Variants in DAG1 observed in about 807,000 individuals in gnomAD.
The protein encoded by DAG1 is dystroglycan 1 (dystrophin-associated glycoprotein 1).
DAG1 carries 8 observed loss-of-function variants against 46.1 expected under a neutral mutation model. The observed-to-expected ratio is 0.17, with a 90% CI of 0.10 to 0.31. DAG1 has a LOEUF of 0.31. Ranked by LOEUF, DAG1 falls within the 10% of genes least tolerant of loss-of-function variation. The pLI, the probability that DAG1 is intolerant of heterozygous loss-of-function variation, is 1.00. For missense variants in DAG1, 1,003 were observed against 1,189.9 expected (o/e 0.84, Z 2.31); for synonymous variants, 495 against 481.8 (o/e 1.03, Z -0.36).
chr3:49,519,648 G>C (rs980779518), intron 2 of DAG1, among the ~76,000 whole-genome samples: 4 of 152,138 alleles, frequency 2.6e-5, no homozygotes, highest in Non-Finnish European at 5.9e-5. Flanking sequence ...GTTGGCGATG[G>C]AAGGCATCCT....
intron 2 of DAG1, among the ~76,000 whole-genome samples, chr3:49,515,618 T>C (rs1340741717): frequency 6.6e-6 from 1 of 151,904 alleles, no homozygotes; most frequent in Non-Finnish European, 1.5e-5. Flanking sequence ...ACTCCTAGGC[T>C]CAAGTGATCC....
chr3:49,532,134 G>C lies in DAG1; in HGVS notation c.1623G>C (p.Arg541=). ...AGCTGAAGCTGACCCTGAAACTGCG[G>C]GAGCAGCAGCTGGTGGGCGAGAAGT... ...TDKLKLTLKL[R]EQQLVGEKSW... Residue 541 remains arginine (R), a synonymous_variant, in exon 3 of 3, where the codon CGG becomes CGC. Coordinates refer to ENST00000308775, the MANE Select transcript of DAG1 (RefSeq NM_004393.6). The surrounding 1 kb of genome is among the most constrained non-coding windows in gnomAD (Gnocchi z 5.4). 3.7e-6 allele frequency: 6 copies of C among 1,614,244 alleles called. No homozygotes were observed. Among genetic ancestry groups the C allele is most frequent in the Non-Finnish European group, 5.1e-6 (6 of 1,180,050 alleles).
rs1196984158 is a variant in DAG1, at chr3:49,535,400, TAAC to T, written c.*2206_*2208del. 1.3e-5 allele frequency: 2 copies of T among 152,678 alleles called. No homozygotes were observed. Among genetic ancestry groups the T allele is most frequent in the Non-Finnish European group, 2.9e-5 (2 of 68,062 alleles). The allele number at this position is 152,678 out of a possible 1,614,324, so 9.5% of individuals were successfully genotyped here. On this transcript the variant is annotated 3_prime_UTR_variant, in exon 3 of 3. Transcript: ENST00000308775. ...GGAGGCGATGGGGCAGTGAACAGAA[TAAC>T]AACAGCAACAATGCCTTTGCAGGCA...
chr3:49,491,009 CCT>C (rs1308845457), intron 1 of DAG1, among the ~76,000 whole-genome samples: 1 of 151,570 alleles, frequency 6.6e-6, no homozygotes, highest in African/African-American at 2.4e-5. Context: ...CCACAATCTC[CCT>C]GAGTAGCTGG....
At chr3:49,469,456 G>A (rs2049450602), upstream of DAG1, among the ~76,000 whole-genome samples, 2 of 152,182 alleles carry the variant, frequency 1.3e-5, no homozygotes, top group Admixed American at 1.3e-4. Context: ...AATGTTCCAG[G>A]CAGCAACCCC....
intron 1 of DAG1, among the ~76,000 whole-genome samples, chr3:49,485,637 GTTTTGT>G (rs1441261786): frequency 6.8e-6 from 1 of 146,940 alleles, no homozygotes; most frequent in Non-Finnish European, 1.5e-5. Flanking sequence ...GGTAGATCAG[GTTTTGT>G]TTTTGTTTTC....
chr3:49,515,271 AT>A (rs36072165), intron 2 of DAG1, among the ~76,000 whole-genome samples: 35,557 of 128,980 alleles, frequency 0.28, 4,372 homozygotes, highest in Middle Eastern at 0.37. Flanking sequence ...TCCCGGGCCT[AT>A]TTTTTTTTTT....
At position 49,474,036 on chromosome 3, in the gene DAG1, C is replaced by T. The variant is rs115437298; in HGVS notation, c.-117+3603C>T. Among the ~76,000 whole-genome samples the T allele has an allele frequency of 9.8e-3, 1,489 of 151,996 alleles. 13 individuals are homozygous for T. Among genetic ancestry groups the T allele is most frequent in the Non-Finnish European group, 0.015 (1,002 of 67,988 alleles). Reference sequence around the variant, plus strand: ...CTGAGTAGCTAGGACCACAGGCGCACGCCATCACTCCTGGCTAATATATGT... The same window carrying T: ...CTGAGTAGCTAGGACCACAGGCGCATGCCATCACTCCTGGCTAATATATGT... On this transcript the variant is annotated intron_variant, in intron 1 of 2. Transcript: ENST00000308775.
intron 1 of DAG1, among the ~76,000 whole-genome samples, chr3:49,496,353 C>CTT (rs752449720): frequency 4.3e-4 from 36 of 84,124 alleles, no homozygotes; most frequent in African/African-American, 5.3e-4. Flanking sequence ...AAATTTTTAA[C>CTT]TTTTTTTTTT....
chr3:49,483,573 GA>G (rs1462069506), intron 1 of DAG1, among the ~76,000 whole-genome samples: 2 of 152,210 alleles, frequency 1.3e-5, no homozygotes, highest in African/African-American at 4.8e-5. Flanking sequence ...TTTTATATTG[GA>G]GACCAGTCTG....
At chr3:49,472,610 A>G (rs894437781) in intron 1 of DAG1, among the ~76,000 whole-genome samples, 5 of 152,088 alleles carry the variant, frequency 3.3e-5, no homozygotes, top group Non-Finnish European at 5.9e-5. Context: ...GATCGAGATC[A>G]TCCTGGCTAA....
chr3:49,490,652 C>T (rs1335988013), intron 1 of DAG1, among the ~76,000 whole-genome samples: 1 of 151,416 alleles, frequency 6.6e-6, no homozygotes, highest in Non-Finnish European at 1.5e-5. Context: ...TTATTGCCAC[C>T]TCCGCCTCCC....
rs115443220 is a variant in DAG1, at chr3:49,509,642, A to G, written c.-116-777A>G. Reference sequence around the variant, plus strand: ...CAGTGCCACCCAACAGAAATATAACATGAGCCACATATGTCACTTAAATTT... The same window carrying G: ...CAGTGCCACCCAACAGAAATATAACGTGAGCCACATATGTCACTTAAATTT... On this transcript the variant is annotated intron_variant, in intron 1 of 2. Transcript: ENST00000308775. 6.9e-3 allele frequency among the ~76,000 whole-genome samples: 1,055 copies of G among 152,292 alleles called. 8 individuals are homozygous for G. The highest frequency in any genetic ancestry group is 0.024 in the African/African-American group (1,006 of 41,562).
intron 2 of DAG1, among the ~76,000 whole-genome samples, chr3:49,529,066 G>A (rs1033632651): frequency 6.6e-6 from 1 of 152,108 alleles, no homozygotes; most frequent in Non-Finnish European, 1.5e-5. Context: ...GGCCAGGCTG[G>A]TCTCGAACTC....
intron 1 of DAG1, among the ~76,000 whole-genome samples, chr3:49,496,266 A>G (rs1575365705): frequency 6.6e-6 from 1 of 152,004 alleles, no homozygotes; most frequent in Non-Finnish European, 1.5e-5. Context: ...TCAACCTCCC[A>G]GGCTCAAGCA....
intron 1 of DAG1, chr3:49,471,095 A>ACAG (rs1242497993): frequency 2.6e-5 from 4 of 152,330 alleles, no homozygotes; most frequent in Non-Finnish European, 5.9e-5. Context: ...TGCATCCTTT[A>ACAG]ATCTCTATAA....
intron 1 of DAG1, among the ~76,000 whole-genome samples, chr3:49,503,383 G>A (rs1419060448): frequency 6.6e-6 from 1 of 152,148 alleles, no homozygotes; most frequent in East Asian, 1.9e-4. Context: ...TGAATTACTT[G>A]TTGGTTCGTT....
chr3:49,531,367 A>G lies in DAG1; in HGVS notation c.856A>G (p.Met286Val). ...GVEAPAREGA[M>V]SAQLGYPVVG... ...AGAGGCCCCTGCCAGGGAGGGCGCA[A>G]TGTCTGCTCAGCTTGGCTACCCTGT... Residue 286 changes from methionine (M) to valine (V), a missense_variant, in exon 3 of 3, where the codon ATG (methionine) becomes GTG (valine). Met to Val is a conservative substitution (Grantham distance 21, BLOSUM62 1). This residue lies in a region of DAG1 where 755 missense variants were observed against 854.1 expected (regional missense o/e 0.88). Transcript: ENST00000308775. This position sits in a 1 kb window ranked among gnomAD's most constrained non-coding sequence, Gnocchi z 7.0. The G allele has an allele frequency of 6.2e-7, 1 of 1,614,124 alleles. No homozygotes were observed. Among genetic ancestry groups the G allele is most frequent in the Non-Finnish European group, 8.5e-7 (1 of 1,180,012 alleles).
intron 1 of DAG1, among the ~76,000 whole-genome samples, chr3:49,499,949 T>G (rs1423647645): frequency 4.6e-5 from 7 of 152,176 alleles, no homozygotes; most frequent in Non-Finnish European, 1.5e-5. Context: ...TTAGGTATTA[T>G]TGATAACTTG....
Sources: gnomAD v4.1 joint callset for allele counts (sites outside exome capture counted in the v4.1 genomes callset) on GRCh38, gnomAD v4.1.1 for gene constraint, gnomAD v4.1.1 regional missense constraint, Gnocchi (gnomAD v3.1) non-coding constraint, MANE v1.5 for transcripts, NCBI Gene and HGNC (gene_info 2026-07-23, HGNC 2026-07-21) for gene names.